The following TP53BP1 variants were observed in gnomAD, a reference collection of about 807,000 sequenced individuals.
The protein encoded by TP53BP1 is tumor protein p53 binding protein 1.
Under a neutral mutation model 200.8 loss-of-function variants are expected in TP53BP1, and 61 were observed. The ratio of observed to expected loss-of-function variants is 0.30; its 90% CI spans 0.25 to 0.38. The LOEUF (loss-of-function observed/expected upper bound fraction) is 0.38. Ranked by LOEUF, TP53BP1 falls within the 10% of genes least tolerant of loss-of-function variation. The pLI, the probability that TP53BP1 is intolerant of heterozygous loss-of-function variation, is 1.00. For synonymous variants in TP53BP1, 822 were observed against 844.3 expected, an observed-to-expected ratio of 0.97 and a Z score of 0.46; for missense variants, 2,144 against 2,371.9, an observed-to-expected ratio of 0.90 and a Z score of 2.00.
upstream of TP53BP1, among the ~76,000 whole-genome samples, chr15:43,498,135 T>C (rs1274177608): frequency 3.9e-5 from 6 of 152,364 alleles, no homozygotes; most frequent in East Asian, 9.6e-4. Context: ...TTTGTACATT[T>C]ATATTTTATT....
chr15:43,405,077 G>A lies in TP53BP1; in HGVS notation c.*2306C>T, dbSNP rs2142906127. ...TTTTCTAAGCTATTGTAGCAGAAGA[G>A]TCAAAAGAAACTCTTCAGTTTTAAG... On this transcript the variant is annotated 3_prime_UTR_variant, in exon 28 of 28. Transcript: ENST00000382044. 8.9e-7 allele frequency: 1 copy of A among 1,119,272 alleles called. No homozygotes were observed. The highest frequency in any genetic ancestry group is 2.4e-5 in the East Asian group (1 of 41,218). The allele number at this position is 1,119,272 out of a possible 1,614,324, so 69.3% of individuals were successfully genotyped here. A position where few individuals can be genotyped will look rare whatever the true frequency, so the allele number is the denominator to read the frequency against.
chr15:43,504,433 A>G (rs1176945800), intron 1 of TP53BP1, among the ~76,000 whole-genome samples: 1 of 152,218 alleles, frequency 6.6e-6, no homozygotes, highest in Non-Finnish European at 1.5e-5. Context: ...TTAATTTTAC[A>G]GACAAGGAAA....
In TP53BP1 at chr15:43,409,651, G is replaced by C; in HGVS notation, c.5396C>G (p.Ala1799Gly). The C allele has an allele frequency of 1.3e-6, 2 of 1,527,966 alleles. No homozygotes were observed. The highest frequency in any genetic ancestry group is 1.8e-6 in the Non-Finnish European group (2 of 1,133,032). The allele number at this position is 1,527,966 out of a possible 1,614,324, so 94.7% of individuals were successfully genotyped here. A position where few individuals can be genotyped will look rare whatever the true frequency, so the allele number is the denominator to read the frequency against. ...AGYILEDFNE[A>G]QCNTAYQCLL... ...TTACACAAAGAAACTCCTCACCTGGGCTTCATTGAAATCTTCAAGGATATA... is the reference window on the plus strand; with the variant it reads ...TTACACAAAGAAACTCCTCACCTGGCCTTCATTGAAATCTTCAAGGATATA... Residue 1799 changes from alanine to glycine, a missense_variant, in exon 25 of 28, where the codon GCC becomes GGC. Coordinates refer to ENST00000382044, the MANE Select transcript of TP53BP1 (RefSeq NM_001141980.3).
chr15:43,442,614 C>A (rs2045952416), intron 14 of TP53BP1, among the ~76,000 whole-genome samples: 1 of 151,590 alleles, frequency 6.6e-6, no homozygotes, highest in Non-Finnish European at 1.5e-5. Flanking sequence ...TCTCATGCCT[C>A]ACCCTCCTGA....
At chr15:43,480,718 A>C (rs1226105226) in intron 5 of TP53BP1, among the ~76,000 whole-genome samples, 177 bp downstream of exon 5, 1 of 152,224 alleles carries the variant, frequency 6.6e-6, no homozygotes, top group Non-Finnish European at 1.5e-5. Flanking sequence ...ATGAACTACA[A>C]ATTCCTGAAT....
upstream of TP53BP1, among the ~76,000 whole-genome samples, chr15:43,495,313 G>C (rs1206548499): frequency 3.0e-4 from 42 of 141,032 alleles, no homozygotes; most frequent in Middle Eastern, 4.8e-3. Flanking sequence ...TCCTGGCTAA[G>C]ATAGTGAAAC....
intron 12 of TP53BP1, among the ~76,000 whole-genome samples, chr15:43,453,218 A>AAAG (rs1452520563): frequency 6.7e-6 from 1 of 149,666 alleles, no homozygotes; most frequent in African/African-American, 2.4e-5. Flanking sequence ...AAAAAAAAAA[A>AAAG]GTACTCCAAA....
chr15:43,444,658 G>A (rs148597853), intron 14 of TP53BP1, among the ~76,000 whole-genome samples: 19 of 152,212 alleles, frequency 1.2e-4, no homozygotes, highest in Non-Finnish European at 2.1e-4. Flanking sequence ...CTAGTTCATC[G>A]GCTTCTTATG....
chr15:43,425,286 C>G (rs1057336527), intron 18 of TP53BP1, among the ~76,000 whole-genome samples: 7 of 152,166 alleles, frequency 4.6e-5, no homozygotes, highest in Admixed American at 4.6e-4. Flanking sequence ...GTCTAAGAGG[C>G]CTGCTGTTTC....
intron 24 of TP53BP1, among the ~76,000 whole-genome samples, chr15:43,411,347 G>A (rs2045110002): frequency 1.3e-5 from 2 of 152,148 alleles, no homozygotes; most frequent in Admixed American, 1.3e-4. Context: ...CAACTCCAGG[G>A]TCAATCCCTG....
Position 43,456,429 on chromosome 15 carries a change from C to A in TP53BP1, c.2179G>T (p.Val727Leu). ...CSEAMEVETSVISIDSPQKLA... is the reference protein window; with the variant it reads ...CSEAMEVETSLISIDSPQKLA... Reference sequence around the variant, plus strand: ...TTTTGAGGGGAATCAATACTAATCACACTGGTTTCAACTTCCATAGCTTCT... The same window carrying A: ...TTTTGAGGGGAATCAATACTAATCAAACTGGTTTCAACTTCCATAGCTTCT... Residue 727 changes from valine to leucine, a missense_variant, in exon 12 of 28, where the codon GTG becomes TTG. This residue lies in a region of TP53BP1 where 1,700 missense variants were observed against 1,710.3 expected (regional missense o/e 0.99). Coordinates refer to ENST00000382044, the MANE Select transcript of TP53BP1 (RefSeq NM_001141980.3). The A allele has an allele frequency of 6.3e-7, 1 of 1,580,664 alleles. No homozygotes were observed.
intron 16 of TP53BP1, among the ~76,000 whole-genome samples, chr15:43,433,398 G>A (rs1358159157): frequency 6.6e-6 from 1 of 152,020 alleles, no homozygotes; most frequent in East Asian, 1.9e-4. Context: ...CACGATTTCC[G>A]AAGTGACTAG....
At chr15:43,409,369 G>C (rs1187737729) in intron 25 of TP53BP1, 3 of 570,288 alleles carry the variant, frequency 5.3e-6, no homozygotes, top group Non-Finnish European at 6.2e-6. Context: ...CTAAAAATCA[G>C]CAACCCTAAT....
chr15:43,441,481 C>T, intron 15 of TP53BP1, 45 bp downstream of exon 15: 1 of 1,287,922 alleles, frequency 7.8e-7, no homozygotes, highest in Non-Finnish European at 1.1e-6. Flanking sequence ...CCCTCATCAC[C>T]AGTAGCTGTG....
At chr15:43,451,632 C>T (rs1300476210) in intron 12 of TP53BP1, among the ~76,000 whole-genome samples, 1 of 152,122 alleles carries the variant, frequency 6.6e-6, no homozygotes, top group Non-Finnish European at 1.5e-5. Context: ...GTGAATAGTG[C>T]CGCAATAAAC....
intron 4 of TP53BP1, among the ~76,000 whole-genome samples, chr15:43,483,865 T>TA (rs1332460304): frequency 1.3e-5 from 2 of 152,222 alleles, no homozygotes; most frequent in African/African-American, 4.8e-5. Flanking sequence ...CCCTGATCTC[T>TA]AAATGCTGGT....
intron 18 of TP53BP1, among the ~76,000 whole-genome samples, chr15:43,422,495 C>T (rs1450184319): frequency 6.6e-6 from 1 of 152,116 alleles, no homozygotes; most frequent in African/African-American, 2.4e-5. Context: ...TGGCTACCAG[C>T]AAAGATTCTA....
At chr15:43,408,669 G>T (rs2045008683) in intron 26 of TP53BP1, 1 of 525,984 alleles carries the variant, frequency 1.9e-6, no homozygotes. Context: ...TACAGGTTGA[G>T]AATATTGAAC....
chr15:43,500,326 T>A (rs1238622588), intron 1 of TP53BP1, among the ~76,000 whole-genome samples: 1 of 152,086 alleles, frequency 6.6e-6, no homozygotes, highest in Non-Finnish European at 1.5e-5. Context: ...ACAGAAAAAA[T>A]TTTAAAAGCT....
Sources: allele counts gnomAD v4.1 joint callset (sites outside exome capture counted in the v4.1 genomes callset), GRCh38; gene constraint gnomAD v4.1.1; regional missense constraint gnomAD v4.1.1; transcripts MANE v1.5; gene names NCBI Gene and HGNC (gene_info 2026-07-23, HGNC 2026-07-21).